BRINP3: variants seen among roughly 807,000 people sequenced by gnomAD.
BRINP3 encodes the protein BMP/retinoic acid-inducible neural-specific protein 3.
BRINP3 carries 19 observed loss-of-function variants against 71.0 expected under a neutral mutation model. The observed-to-expected ratio is 0.27, with a 90% CI of 0.19 to 0.39. The LOEUF is 0.39. BRINP3 is among the 10% of genes least tolerant of loss of function. The pLI is 1.00. For synonymous variants in BRINP3, 380 were observed against 337.7 expected (o/e 1.13, Z -1.37); for missense variants, 959 against 940.8 (o/e 1.02, Z -0.25).
chr1:190,197,113 G>A (rs991752744), intron 6 of BRINP3, among the ~76,000 whole-genome samples: 4 of 151,952 alleles, frequency 2.6e-5, no homozygotes, highest in Admixed American at 1.3e-4. Flanking sequence ...CAAAGGAGAA[G>A]CAAAGGTGCA....
rs114993956 is a variant in BRINP3 at position 190,103,508 on chromosome 1, G to A, written c.1185-4374C>T. On this transcript the variant is annotated intron_variant, in intron 7 of 7. Transcript: ENST00000367462. ...ATCCCAGACATAAGAATTTCTAGGA[G>A]TAGGATTCAGGAATCTCATGTTAAA... is the stretch of plus-strand genomic sequence containing the variant. 3.2e-3 allele frequency among the ~76,000 whole-genome samples: 484 copies of A among 152,146 alleles called. 1 individual carries two copies. Among genetic ancestry groups the A allele is most frequent in the African/African-American group, 0.011 (450 of 41,526 alleles).
intron 2 of BRINP3, among the ~76,000 whole-genome samples, chr1:190,313,032 A>C (rs1296747351): frequency 6.6e-6 from 1 of 151,948 alleles, no homozygotes; most frequent in African/African-American, 2.4e-5. Context: ...ATAAGTTTTA[A>C]TTTACAAATT....
intron 7 of BRINP3, among the ~76,000 whole-genome samples, chr1:190,117,816 C>G (rs1653275405): frequency 6.6e-6 from 1 of 152,016 alleles, no homozygotes; most frequent in Non-Finnish European, 1.5e-5. Context: ...AGATTCTGCT[C>G]ATTTCATCAT....
intron 2 of BRINP3, among the ~76,000 whole-genome samples, chr1:190,332,033 A>AT (rs1458359108): frequency 6.6e-6 from 1 of 151,946 alleles, no homozygotes; most frequent in African/African-American, 2.4e-5. Flanking sequence ...TTTGAATCTA[A>AT]TTTTTTGTTA....
chr1:190,329,804 A>G (rs1666848200), intron 2 of BRINP3, among the ~76,000 whole-genome samples: 1 of 152,036 alleles, frequency 6.6e-6, no homozygotes. Context: ...AAACAGACTA[A>G]TGGAACAGGT....
intron 2 of BRINP3, among the ~76,000 whole-genome samples, chr1:190,346,678 C>T (rs980328025): frequency 6.6e-5 from 10 of 152,006 alleles, no homozygotes; most frequent in Admixed American, 2.0e-4. Context: ...ATATTTTTCA[C>T]CCTTCTTTTG....
At chr1:190,243,028 C>T (rs1480800397) in intron 4 of BRINP3, among the ~76,000 whole-genome samples, 1 of 152,112 alleles carries the variant, frequency 6.6e-6, no homozygotes, top group Non-Finnish European at 1.5e-5. Flanking sequence ...AAATAATACA[C>T]AAGCACACCA....
chr1:190,398,189 A>G (rs1296799912), intron 2 of BRINP3, among the ~76,000 whole-genome samples: 1 of 151,956 alleles, frequency 6.6e-6, no homozygotes, highest in African/African-American at 2.4e-5. Context: ...ACTTAACATG[A>G]ACATTAGTTC....
At position 190,448,545 on chromosome 1, in the gene BRINP3, G is replaced by A. The variant is rs554152415; in HGVS notation, c.236+6110C>T. Among the ~76,000 whole-genome samples the A allele has an allele frequency of 2.9e-4, 43 of 150,832 alleles. 3 individuals carry two copies. The South Asian group carries it at 8.8e-3, about 31-fold the overall frequency. Reference sequence around the variant, plus strand: ...TAGCAGATTAAAGTTTCTTGTGACAGTTATGTTTTTTTAATTTCTCCTGGA... The same window carrying A: ...TAGCAGATTAAAGTTTCTTGTGACAATTATGTTTTTTTAATTTCTCCTGGA... On this transcript the variant is annotated intron_variant, in intron 2 of 7. Coordinates refer to ENST00000367462, the MANE Select transcript of BRINP3 (RefSeq NM_199051.3).
intron 7 of BRINP3, among the ~76,000 whole-genome samples, chr1:190,156,017 T>C (rs905683739): frequency 3.9e-5 from 6 of 152,098 alleles, no homozygotes; most frequent in Admixed American, 1.3e-4. Context: ...CATTGTTACA[T>C]AGCTGCAAAG....
At chr1:190,264,715 A>G in intron 4 of BRINP3, 150 bp downstream of exon 4, 1 of 565,840 alleles carries the variant, frequency 1.8e-6, no homozygotes, top group Non-Finnish European at 2.9e-6. Flanking sequence ...TCTTAAATAT[A>G]TTACATAACT....
chr1:190,320,539 A>T (rs1189773018), intron 2 of BRINP3, among the ~76,000 whole-genome samples: 1 of 152,028 alleles, frequency 6.6e-6, no homozygotes, highest in Non-Finnish European at 1.5e-5. Flanking sequence ...TCATTCATTC[A>T]TTCATTTTCT....
intron 7 of BRINP3, among the ~76,000 whole-genome samples, chr1:190,118,137 C>CAA (rs1653308261): frequency 6.6e-6 from 1 of 151,742 alleles, no homozygotes; most frequent in Non-Finnish European, 1.5e-5. Context: ...ATCATACACA[C>CAA]ACACACACAC....
At chr1:190,311,508 A>G (rs2103025696) in intron 2 of BRINP3, among the ~76,000 whole-genome samples, 1 of 151,794 alleles carries the variant, frequency 6.6e-6, no homozygotes, top group East Asian at 1.9e-4. Context: ...TAGAAATTAA[A>G]TAGAAATAAT....
intron 2 of BRINP3, among the ~76,000 whole-genome samples, chr1:190,374,243 C>T (rs1670046829): frequency 6.6e-6 from 1 of 151,926 alleles, no homozygotes; most frequent in Non-Finnish European, 1.5e-5. Flanking sequence ...TAATAAGAAT[C>T]AATTGTACAT....
chr1:190,243,206 G>C, intron 4 of BRINP3, among the ~76,000 whole-genome samples: 1 of 152,054 alleles, frequency 6.6e-6, no homozygotes, highest in East Asian at 1.9e-4. Context: ...AATTTAGTTA[G>C]GACAAAGTTG....
intron 7 of BRINP3, among the ~76,000 whole-genome samples, chr1:190,145,150 A>G (rs1314884956): frequency 2.0e-5 from 3 of 152,066 alleles, no homozygotes; most frequent in African/African-American, 7.2e-5. Flanking sequence ...GGCTATTTAT[A>G]TACATTATAT....
chr1:190,230,707 T>C (rs929932154), intron 5 of BRINP3, among the ~76,000 whole-genome samples: 9 of 151,762 alleles, frequency 5.9e-5, no homozygotes, highest in Non-Finnish European at 1.3e-4. Flanking sequence ...GAGTTTTTAG[T>C]AATGACCTTC....
At chr1:190,113,827 C>G (rs537668924) in intron 7 of BRINP3, among the ~76,000 whole-genome samples, 1 of 152,192 alleles carries the variant, frequency 6.6e-6, no homozygotes, top group Non-Finnish European at 1.5e-5. Context: ...GACTCCAAAG[C>G]TGTGTGATTT....
Sources: gnomAD v4.1 joint callset for allele counts (sites outside exome capture counted in the v4.1 genomes callset) on GRCh38, gnomAD v4.1.1 for gene constraint, MANE v1.5 for transcripts, NCBI Gene and HGNC (gene_info 2026-07-23, HGNC 2026-07-21) for gene names.